Variants in NDE1 observed in about 807,000 individuals in gnomAD.
NDE1 encodes nuclear distribution protein nudE homolog 1.
A neutral mutation model predicts 43.4 loss-of-function variants in NDE1; 28 were observed. The ratio of observed to expected loss-of-function variants is 0.65; its 90% CI spans 0.48 to 0.89. NDE1 has a LOEUF of 0.89. NDE1 is among the 40% of genes least tolerant of loss of function. The pLI, the probability that NDE1 is intolerant of heterozygous loss-of-function variation, is 0.00. For synonymous variants in NDE1, 184 were observed against 172.0 expected (o/e 1.07, Z -0.55); for missense variants, 441 against 434.1 (o/e 1.02, Z -0.14).
At chr16:15,719,820 A>G in intron 8 of NDE1, 1 of 1,491,086 alleles carries the variant, frequency 6.7e-7, no homozygotes, top group Non-Finnish European at 9.3e-7. Flanking sequence ...GCAGTTGACC[A>G]CAAAGAAGTT....
At chr16:15,695,273 C>T (rs546211757) in intron 7 of NDE1, among the ~76,000 whole-genome samples, 1 of 138,714 alleles carries the variant, frequency 7.2e-6, no homozygotes, top group Non-Finnish European at 1.5e-5. Flanking sequence ...TTTGGGAGAC[C>T]GAGATGGGTG....
At chr16:15,697,273 C>T (rs1306253754) in intron 8 of NDE1, among the ~76,000 whole-genome samples, 2 of 152,142 alleles carry the variant, frequency 1.3e-5, no homozygotes, top group South Asian at 2.1e-4. Flanking sequence ...AAACTCTGAG[C>T]TTCAAGTGAT....
At chr16:15,717,023 C>T in intron 8 of NDE1, 1 of 1,115,458 alleles carries the variant, frequency 9.0e-7, no homozygotes, top group Non-Finnish European at 1.4e-6. Context: ...GTAGGCATCA[C>T]AGAGCTTGCT....
At chr16:15,713,706 A>T (rs1479791495) in intron 8 of NDE1, 2 of 151,196 alleles carry the variant, frequency 1.3e-5, no homozygotes, top group Non-Finnish European at 2.9e-5. Context: ...CTGCTCTTGA[A>T]CTCCTGAGCT....
At chr16:15,681,314 A>G (rs1190876773) in intron 4 of NDE1, among the ~76,000 whole-genome samples, 1 of 110,462 alleles carries the variant, frequency 9.1e-6, no homozygotes. Context: ...TGCCCAGAGT[A>G]GAGTGCCATG....
At chr16:15,720,187 C>A in intron 8 of NDE1, 2 of 1,614,160 alleles carry the variant, frequency 1.2e-6, no homozygotes, top group Non-Finnish European at 1.7e-6. Flanking sequence ...CTTCCTCCCT[C>A]CCCTTGATGG....
chr16:15,725,267 T>C lies in NDE1; in HGVS notation c.*1016T>C, dbSNP rs1052107398. On this transcript the variant is annotated 3_prime_UTR_variant, in exon 9 of 9. Coordinates refer to ENST00000396354, the MANE Select transcript of NDE1 (RefSeq NM_017668.3). Reference sequence around the variant, plus strand: ...AGAACTTATTTGAGCCCCAATGGTATTGACTGGGACCTGATCCCACTAAAT... The same window carrying C: ...AGAACTTATTTGAGCCCCAATGGTACTGACTGGGACCTGATCCCACTAAAT... 1 of 590,448 alleles carries C rather than the reference T, an allele frequency of 1.7e-6. No homozygotes were observed. The highest frequency in any genetic ancestry group is 2.1e-5 in the South Asian group (1 of 48,652). The allele number at this position is 590,448 out of a possible 1,614,324, so 36.6% of individuals were successfully genotyped here.
chr16:15,712,720 CG>C (rs967966804), intron 8 of NDE1, among the ~76,000 whole-genome samples: 1 of 151,688 alleles, frequency 6.6e-6, no homozygotes, highest in African/African-American at 2.4e-5. Context: ...TGGATGGTGT[CG>C]GGGAAGTCCA....
chr16:15,702,779 G>A (rs182760258), intron 8 of NDE1, among the ~76,000 whole-genome samples: 204 of 152,172 alleles, frequency 1.3e-3, no homozygotes, highest in Middle Eastern at 3.4e-3. Flanking sequence ...AAAAAATCAA[G>A]GAAATCCTGT....
chr16:15,694,731 C>T (rs1478865525), intron 7 of NDE1: 50 of 985,382 alleles, frequency 5.1e-5, no homozygotes, highest in Non-Finnish European at 5.9e-5. Context: ...GTGGGAGTTA[C>T]TGCCAGACAC....
At chr16:15,682,621 T>C (rs921846297) in intron 4 of NDE1, among the ~76,000 whole-genome samples, 5 of 152,252 alleles carry the variant, frequency 3.3e-5, no homozygotes, top group African/African-American at 1.2e-4. Context: ...ATACATTTCC[T>C]AAAGGTTACT....
intron 8 of NDE1, chr16:15,701,895 AT>A (rs2039233410): frequency 6.6e-6 from 1 of 152,238 alleles, no homozygotes; most frequent in Non-Finnish European, 1.5e-5. Flanking sequence ...TAAAAGATCA[AT>A]AAAATCAAGA....
chr16:15,720,367 G>T (rs1233174579), intron 8 of NDE1: 30 of 1,573,452 alleles, frequency 1.9e-5, no homozygotes, highest in Non-Finnish European at 2.2e-5. Flanking sequence ...AGGTCCTTTG[G>T]CTCACCTAGG....
intron 1 of NDE1, among the ~76,000 whole-genome samples, chr16:15,658,124 T>C (rs2036861632): frequency 6.6e-6 from 1 of 152,210 alleles, no homozygotes. Context: ...TTGGCTTCAC[T>C]CTGAGGCAGG....
At chr16:15,661,540 G>A (rs1479596631) in intron 1 of NDE1, among the ~76,000 whole-genome samples, 1 of 151,790 alleles carries the variant, frequency 6.6e-6, no homozygotes, top group Non-Finnish European at 1.5e-5. Context: ...GGTCACTGCA[G>A]CCTCGACCTC....
At chr16:15,722,847 G>A (rs147918222) in intron 8 of NDE1, among the ~76,000 whole-genome samples, 20 of 152,250 alleles carry the variant, frequency 1.3e-4, no homozygotes, top group African/African-American at 3.4e-4. Context: ...GGGTTCAAGC[G>A]ATTCTCCTGC....
In NDE1 at chr16:15,708,836, G is replaced by T. The variant is rs765030635; in HGVS notation, c.947+11976G>T. 1.2e-5 allele frequency: 20 copies of T among 1,610,066 alleles called. No homozygotes were observed. The highest frequency in any genetic ancestry group is 8.0e-5 in the African/African-American group (6 of 74,886). ...TCACTGCGAAGTTTCCTGTGGGGGGGGCCCTCTGAAACAGAGAGAGAATCC... is the reference window on the plus strand; with the variant it reads ...TCACTGCGAAGTTTCCTGTGGGGGGTGCCCTCTGAAACAGAGAGAGAATCC... On this transcript the variant is annotated intron_variant, in intron 8 of 8. Transcript: ENST00000396354.
rs559994921 is a variant in NDE1, at chr16:15,700,675, TC to T, written c.947+3818del. Among the ~76,000 whole-genome samples the T allele has an allele frequency of 5.9e-3, 895 of 151,938 alleles. 6 individuals carry two copies. Among genetic ancestry groups the T allele is most frequent in the South Asian group, 0.014 (67 of 4,800 alleles). On this transcript the variant is annotated intron_variant, in intron 8 of 8. Transcript: ENST00000396354. ...CATGTTGGCCATGCTGGTCTTGAACTCCCGGCCTCAAGTGATCCTCCCGCCT... is the reference window on the plus strand; with the variant it reads ...CATGTTGGCCATGCTGGTCTTGAACTCCGGCCTCAAGTGATCCTCCCGCCT...
chr16:15,695,655 T>G (rs2038976370), intron 7 of NDE1: 1 of 985,396 alleles, frequency 1.0e-6, no homozygotes, highest in African/African-American at 1.7e-5. Context: ...CCACATAATT[T>G]AACTCCTACC....
Sources: allele counts gnomAD v4.1 joint callset (sites outside exome capture counted in the v4.1 genomes callset), GRCh38; gene constraint gnomAD v4.1.1; transcripts MANE v1.5; gene names NCBI Gene and HGNC (gene_info 2026-07-23, HGNC 2026-07-21).